SUGCT: variants seen among roughly 807,000 people sequenced by gnomAD.
SUGCT encodes the protein succinyl-CoA:glutarate-CoA transferase.
In SUGCT, 41 loss-of-function variants were observed where a neutral mutation model predicts 55.0. That is an observed-to-expected ratio of 0.74 (90% CI 0.58 to 0.97). The LOEUF (loss-of-function observed/expected upper bound fraction) is 0.97. Among genes scored for constraint, SUGCT ranks in the 50% least tolerant of loss-of-function variants. The pLI is 0.00. For synonymous variants in SUGCT, 187 were observed against 200.4 expected, an observed-to-expected ratio of 0.93 and a Z score of 0.56; for missense variants, 568 against 547.8, an observed-to-expected ratio of 1.04 and a Z score of -0.37.
At chr7:40,353,676 A>G (rs1797748694) in intron 9 of SUGCT, among the ~76,000 whole-genome samples, 1 of 152,196 alleles carries the variant, frequency 6.6e-6, no homozygotes, top group Non-Finnish European at 1.5e-5. Flanking sequence ...TAAAAAAACC[A>G]TATAGATATG....
At chr7:40,266,780 G>A (rs1022972862) in intron 7 of SUGCT, among the ~76,000 whole-genome samples, 2 of 152,026 alleles carry the variant, frequency 1.3e-5, no homozygotes, top group Admixed American at 6.5e-5. Flanking sequence ...ACTTTGGGAG[G>A]CCAAGGCGGG....
downstream of SUGCT, among the ~76,000 whole-genome samples, chr7:40,862,952 G>A (rs997227340): frequency 6.6e-6 from 1 of 152,026 alleles, no homozygotes; most frequent in Non-Finnish European, 1.5e-5. Flanking sequence ...AGGAAACAAA[G>A]AGGGGGTCAG....
chr7:40,250,929 C>T (rs552299875), intron 7 of SUGCT, among the ~76,000 whole-genome samples: 11 of 150,496 alleles, frequency 7.3e-5, no homozygotes, highest in Admixed American at 6.7e-5. Context: ...CTCTGCCTCC[C>T]GGGTTCAAGC....
chr7:40,732,307 A>G (rs1411628565), intron 12 of SUGCT, among the ~76,000 whole-genome samples: 1 of 152,176 alleles, frequency 6.6e-6, no homozygotes, highest in Non-Finnish European at 1.5e-5. Flanking sequence ...CTCTCTTATG[A>G]GAACACTTGG....
chr7:40,572,090 G>A (rs1053645832), intron 12 of SUGCT, among the ~76,000 whole-genome samples: 2 of 152,000 alleles, frequency 1.3e-5, no homozygotes, highest in African/African-American at 4.8e-5. Context: ...TGTTTCCTAC[G>A]GGCCCAGGTC....
chr7:40,633,368 C>T (rs982310692), intron 12 of SUGCT, among the ~76,000 whole-genome samples: 8 of 152,154 alleles, frequency 5.3e-5, no homozygotes, highest in African/African-American at 1.9e-4. Flanking sequence ...ACTGATATAT[C>T]CTGCATGCCA....
chr7:40,664,984 A>G (rs1801538927), intron 12 of SUGCT, among the ~76,000 whole-genome samples: 1 of 150,878 alleles, frequency 6.6e-6, no homozygotes, highest in South Asian at 2.1e-4. Flanking sequence ...TGTCTCAAAA[A>G]AAAAAAAAAA....
At chr7:40,299,497 A>G (rs1388502683) in intron 8 of SUGCT, among the ~76,000 whole-genome samples, 1 of 152,240 alleles carries the variant, frequency 6.6e-6, no homozygotes, top group African/African-American at 2.4e-5. Flanking sequence ...GTCACTGCAC[A>G]TGTTTAGAAG....
intron 7 of SUGCT, among the ~76,000 whole-genome samples, chr7:40,254,196 C>G (rs1346837851): frequency 1.3e-5 from 2 of 152,058 alleles, no homozygotes; most frequent in Admixed American, 6.6e-5. Flanking sequence ...TCTAAAACCT[C>G]TTTTCTAAAA....
chr7:40,290,484 C>T (rs1236195918), intron 8 of SUGCT, among the ~76,000 whole-genome samples: 2 of 152,150 alleles, frequency 1.3e-5, no homozygotes, highest in Admixed American at 1.3e-4. Flanking sequence ...CCCTTCCTTA[C>T]ACCTTATACA....
intron 1 of SUGCT, among the ~76,000 whole-genome samples, chr7:40,165,597 C>T (rs893765053): frequency 2.6e-5 from 4 of 152,174 alleles, no homozygotes; most frequent in African/African-American, 7.2e-5. Flanking sequence ...CCAACTGTTT[C>T]ATGCCTTGTA....
Position 40,420,439 on chromosome 7 carries a change from A to G in SUGCT, c.817-28848A>G, listed in dbSNP as rs187754087. ...CTGCAATCTCCATCTCCTGGGTTCA[A>G]GTGATCCTCCTGCTTCAGCCTCCCG... is the stretch of plus-strand genomic sequence containing the variant. On this transcript the variant is annotated intron_variant, in intron 9 of 13. Coordinates refer to ENST00000335693, the MANE Select transcript of SUGCT (RefSeq NM_001193313.2). 8.5e-5 allele frequency among the ~76,000 whole-genome samples: 13 copies of G among 152,174 alleles called. No individual in the cohort carries two copies. The East Asian group carries it at 2.5e-3, about 29-fold the overall frequency.
intron 9 of SUGCT, among the ~76,000 whole-genome samples, chr7:40,390,860 A>T (rs951222687): frequency 6.6e-6 from 1 of 152,230 alleles, no homozygotes; most frequent in African/African-American, 2.4e-5. Context: ...AGCTGGAGGC[A>T]TCACGCTACC....
intron 12 of SUGCT, among the ~76,000 whole-genome samples, chr7:40,693,916 G>C (rs1254244112): frequency 1.3e-5 from 2 of 152,086 alleles, no homozygotes; most frequent in Non-Finnish European, 2.9e-5. Flanking sequence ...ACACTGTCCC[G>C]CCCTCAGAAA....
At chr7:40,187,850 T>G (rs1036577743) in intron 3 of SUGCT, among the ~76,000 whole-genome samples, 1 of 152,092 alleles carries the variant, frequency 6.6e-6, no homozygotes. Flanking sequence ...GGAGATGTCA[T>G]TGGTTTATCT....
chr7:40,669,131 A>G (rs577769065), intron 12 of SUGCT, among the ~76,000 whole-genome samples: 2 of 152,192 alleles, frequency 1.3e-5, no homozygotes, highest in South Asian at 2.1e-4. Context: ...GTGGAGACCT[A>G]CTGGGAAGCC....
Position 40,558,302 on chromosome 7 carries a change from A to G in SUGCT, c.1089+61916A>G, listed in dbSNP as rs114385429. ...CCAGAAGAATTGACAGCAGGGACTC[A>G]GATACTTGTATACCAGTGATCATAG... On this transcript the variant is annotated intron_variant, in intron 12 of 13. Coordinates refer to ENST00000335693, the MANE Select transcript of SUGCT (RefSeq NM_001193313.2). Among the ~76,000 whole-genome samples, 258 of 152,334 alleles carry G rather than the reference A, an allele frequency of 1.7e-3. 1 individual carries two copies. The highest frequency in any genetic ancestry group is 6.1e-3 in the African/African-American group (252 of 41,576).
At chr7:40,767,454 T>TA (rs542050524) in intron 13 of SUGCT, among the ~76,000 whole-genome samples, 267 of 152,274 alleles carry the variant, frequency 1.8e-3, no homozygotes, top group African/African-American at 6.0e-3. Context: ...CCAGATCTGA[T>TA]ATGAAACCAC....
chr7:40,338,723 C>T lies in SUGCT; in HGVS notation c.816+21868C>T, dbSNP rs187409446. 4.3e-3 allele frequency among the ~76,000 whole-genome samples: 649 copies of T among 152,216 alleles called. 2 individuals are homozygous for T. Among genetic ancestry groups the T allele is most frequent in the Non-Finnish European group, 6.4e-3 (436 of 67,988 alleles). Reference sequence around the variant, plus strand: ...CTGCTTTAGCTTGGAGAAGTTTGATCGTCTGAAGCCTTCTCCTCTCAACTC... The same window carrying T: ...CTGCTTTAGCTTGGAGAAGTTTGATTGTCTGAAGCCTTCTCCTCTCAACTC... On this transcript the variant is annotated intron_variant, in intron 9 of 13. Coordinates refer to ENST00000335693, the MANE Select transcript of SUGCT (RefSeq NM_001193313.2).
Sources: allele counts gnomAD v4.1 joint callset (sites outside exome capture counted in the v4.1 genomes callset), GRCh38; gene constraint gnomAD v4.1.1; transcripts MANE v1.5; gene names NCBI Gene and HGNC (gene_info 2026-07-23, HGNC 2026-07-21).